Variants in MOSMO observed in about 807,000 individuals in gnomAD.
The protein encoded by MOSMO is modulator of smoothened protein.
In MOSMO, 5 loss-of-function variants were observed where a neutral mutation model predicts 18.4. That is an observed-to-expected ratio of 0.27 (90% CI 0.14 to 0.57). MOSMO has a LOEUF of 0.57. MOSMO is among the 20% of genes least tolerant of loss of function. MOSMO has a pLI of 0.92. For synonymous variants in MOSMO, 82 were observed against 82.3 expected (o/e 1.00, Z 0.02); for missense variants, 138 against 211.8 (o/e 0.65, Z 2.16).
chr16:22,071,883 C>A (rs1271866074), intron 1 of MOSMO, among the ~76,000 whole-genome samples: 1 of 152,100 alleles, frequency 6.6e-6, no homozygotes, highest in Admixed American at 6.5e-5. Context: ...TGTGCAGAAA[C>A]CACATTAAGA....
At chr16:22,060,208 T>C (rs551563136) in intron 1 of MOSMO, among the ~76,000 whole-genome samples, 1 of 152,068 alleles carries the variant, frequency 6.6e-6, no homozygotes, top group South Asian at 2.1e-4. Context: ...ACTCAAAATA[T>C]AAAACATTTG....
intron 1 of MOSMO, among the ~76,000 whole-genome samples, chr16:22,022,359 G>C (rs1442004201): frequency 1.3e-5 from 2 of 152,078 alleles, no homozygotes; most frequent in East Asian, 3.9e-4. Flanking sequence ...TTCTAACCAT[G>C]CCCCTGATAC....
At chr16:22,047,701 A>G (rs1598012066) in intron 1 of MOSMO, among the ~76,000 whole-genome samples, 2 of 152,130 alleles carry the variant, frequency 1.3e-5, no homozygotes, top group African/African-American at 4.8e-5. Flanking sequence ...CTAAGCTGAA[A>G]GGTGTATGCA....
intron 1 of MOSMO, among the ~76,000 whole-genome samples, chr16:22,020,805 T>C (rs1441098250): frequency 6.6e-6 from 1 of 152,230 alleles, no homozygotes; most frequent in Non-Finnish European, 1.5e-5. Context: ...GTGCAGCTTA[T>C]TTTTCTTATT....
At chr16:22,053,672 G>A (rs1016917346) in intron 1 of MOSMO, among the ~76,000 whole-genome samples, 10 of 151,970 alleles carry the variant, frequency 6.6e-5, no homozygotes, top group African/African-American at 1.9e-4. Flanking sequence ...GTATTGTGGC[G>A]GGCACCTGTA....
At chr16:22,042,395 T>G (rs1308417851) in intron 1 of MOSMO, among the ~76,000 whole-genome samples, 12 of 152,228 alleles carry the variant, frequency 7.9e-5, no homozygotes, top group Admixed American at 7.9e-4. Context: ...TGGAGTTTAC[T>G]TAAACCTTTT....
intron 1 of MOSMO, among the ~76,000 whole-genome samples, chr16:22,057,011 GTTAA>G (rs912021330): frequency 7.2e-5 from 11 of 152,076 alleles, no homozygotes; most frequent in African/African-American, 2.2e-4. Flanking sequence ...CTCTCAAATA[GTTAA>G]TTAAATAGTA....
intron 1 of MOSMO, among the ~76,000 whole-genome samples, chr16:22,039,023 C>G (rs1376213230): frequency 6.6e-6 from 1 of 152,214 alleles, no homozygotes; most frequent in Non-Finnish European, 1.5e-5. Flanking sequence ...TTAACCTTCT[C>G]TCAGCTTCAG....
At chr16:22,075,903 C>T in intron 2 of MOSMO, 1 of 504,976 alleles carries the variant, frequency 2.0e-6, no homozygotes, top group African/African-American at 1.9e-5. Flanking sequence ...ACTTTAATCA[C>T]TTTGTATGAA....
chr16:22,081,175 A>G lies in MOSMO; in HGVS notation c.*295A>G, dbSNP rs1901072899. On this transcript the variant is annotated 3_prime_UTR_variant, in exon 3 of 3. Coordinates refer to ENST00000542527, the MANE Select transcript of MOSMO (RefSeq NM_001164579.2). ...GGTCTGCACTGTGATAGCAACCTAG[A>G]GAAGGAGAATGCTTTATACCGAAAA... 5.9e-6 allele frequency: 1 copy of G among 170,406 alleles called. No homozygotes were observed. The allele number at this position is 170,406 out of a possible 1,614,324, so 10.6% of individuals were successfully genotyped here.
chr16:22,011,951 A>AG (rs1899540067), intron 1 of MOSMO, among the ~76,000 whole-genome samples: 1 of 150,970 alleles, frequency 6.6e-6, no homozygotes, highest in South Asian at 2.1e-4. Context: ...AAAAAAAAAA[A>AG]GTGCAGAGTT....
intron 2 of MOSMO, chr16:22,076,382 CAGGGGTTATT>C (rs1267840309): frequency 3.3e-5 from 5 of 152,208 alleles, no homozygotes; most frequent in African/African-American, 9.7e-5. Flanking sequence ...TTTTGCACCC[CAGGGGTTATT>C]TAACAATATC....
intron 1 of MOSMO, among the ~76,000 whole-genome samples, chr16:22,030,632 G>C (rs1413073437): frequency 6.6e-6 from 1 of 152,106 alleles, no homozygotes; most frequent in East Asian, 1.9e-4. Flanking sequence ...TGCCTCCCAG[G>C]TTCAGGTGAT....
intron 1 of MOSMO, chr16:22,064,426 C>T: frequency 2.2e-6 from 1 of 456,426 alleles, no homozygotes. Flanking sequence ...CCAGATTAAT[C>T]TGGGAAGAAA....
At chr16:22,076,172 G>A (rs1032857286) in intron 2 of MOSMO, 1 of 167,308 alleles carries the variant, frequency 6.0e-6, no homozygotes, top group Non-Finnish European at 1.3e-5. Context: ...TTTAATAATT[G>A]TTTATCAATA....
intron 1 of MOSMO, among the ~76,000 whole-genome samples, chr16:22,066,958 A>G (rs1567513129): frequency 6.6e-6 from 1 of 152,246 alleles, no homozygotes; most frequent in Non-Finnish European, 1.5e-5. Context: ...AGTTTAAATC[A>G]GCTGTTGTAA....
intron 1 of MOSMO, among the ~76,000 whole-genome samples, chr16:22,033,734 G>A (rs1390044115): frequency 6.6e-6 from 1 of 151,652 alleles, no homozygotes; most frequent in African/African-American, 2.4e-5. Context: ...GCAGGAGAAT[G>A]GCATGAACCC....
intron 1 of MOSMO, among the ~76,000 whole-genome samples, chr16:22,010,814 G>A (rs555204060): frequency 1.3e-5 from 2 of 152,140 alleles, no homozygotes; most frequent in African/African-American, 2.4e-5. Context: ...CCAGCTACTC[G>A]GGAGGCTGAG....
chr16:22,039,530 G>T (rs1189765992), intron 1 of MOSMO, among the ~76,000 whole-genome samples: 1 of 152,104 alleles, frequency 6.6e-6, no homozygotes, highest in Non-Finnish European at 1.5e-5. Context: ...CATTAGTAGG[G>T]TATCTTTAAA....
Sources: gnomAD v4.1 joint callset for allele counts (sites outside exome capture counted in the v4.1 genomes callset) on GRCh38, gnomAD v4.1.1 for gene constraint, MANE v1.5 for transcripts, NCBI Gene and HGNC (gene_info 2026-07-23, HGNC 2026-07-21) for gene names.